MYO18B: variants seen among roughly 807,000 people sequenced by gnomAD.
MYO18B encodes unconventional myosin-XVIIIb.
Under a neutral mutation model 273.0 loss-of-function variants are expected in MYO18B, and 204 were observed. The observed-to-expected ratio is 0.75, with a 90% CI of 0.67 to 0.84. The LOEUF (loss-of-function observed/expected upper bound fraction) is 0.84, where lower values mean the gene tolerates loss of function less well. MYO18B is among the 40% of genes least tolerant of loss of function. The pLI is 0.00. For missense variants in MYO18B, 3,212 were observed against 3,287.6 expected, an observed-to-expected ratio of 0.98 and a Z score of 0.56; for synonymous variants, 1,330 against 1,305.7, an observed-to-expected ratio of 1.02 and a Z score of -0.40.
chr22:26,044,734 C>T, the MYO18B span, among the ~76,000 whole-genome samples: 5 of 152,236 alleles, frequency 3.3e-5, no homozygotes, highest in African/African-American at 9.6e-5. Context: ...ATTGAAGACT[C>T]TCACTTCTGA....
chr22:25,842,314 G>T (rs77004782), intron 17 of MYO18B, among the ~76,000 whole-genome samples: 2,049 of 152,270 alleles, frequency 0.013, 45 homozygotes, highest in African/African-American at 0.046. Flanking sequence ...AGCAGGATGG[G>T]AAAGCAAAGT....
intron 7 of MYO18B, among the ~76,000 whole-genome samples, chr22:25,777,315 C>T (rs957980694): frequency 6.6e-6 from 1 of 152,156 alleles, no homozygotes; most frequent in African/African-American, 2.4e-5. Context: ...TGGATGAATG[C>T]AGCTCTCATT....
At chr22:25,769,985 C>G (rs1044378523) in intron 4 of MYO18B, 125 bp from the exon 5 acceptor site, 2 of 982,250 alleles carry the variant, frequency 2.0e-6, no homozygotes, top group Non-Finnish European at 3.2e-6. Flanking sequence ...ACTCCCTCTC[C>G]TGTTCTCCCC....
chr22:25,970,073 CTT>C (rs2093020915), intron 39 of MYO18B, among the ~76,000 whole-genome samples: 1 of 152,116 alleles, frequency 6.6e-6, no homozygotes, highest in African/African-American at 2.4e-5. Context: ...CCATCATTAT[CTT>C]CATCACTGTC....
chr22:25,875,511 C>CCT (rs1555920702), intron 23 of MYO18B, among the ~76,000 whole-genome samples: 55 of 152,020 alleles, frequency 3.6e-4, no homozygotes, highest in African/African-American at 1.3e-3. Context: ...CTGGTCCCCC[C>CCT]CCCAGTGATA....
intron 12 of MYO18B, among the ~76,000 whole-genome samples, chr22:25,808,572 C>G (rs1366374132): frequency 6.6e-6 from 1 of 152,186 alleles, no homozygotes; most frequent in Non-Finnish European, 1.5e-5. Context: ...TCCACCCTCT[C>G]TCCTGAGAGC....
Position 25,874,421 on chromosome 22 carries a change from C to T in MYO18B, c.4080+7C>T. ...GGAATTCAAGAAGCTGAAGGTACTG[C>T]ATGCCGTTCCCATGAGGAGTCTGAT... On this transcript the variant is annotated splice_region_variant and intron_variant, in intron 23 of 43. Coordinates refer to ENST00000335473, the MANE Select transcript of MYO18B (RefSeq NM_032608.7). The T allele has an allele frequency of 6.2e-7, 1 of 1,611,676 alleles. No individual in the cohort carries two copies. The highest frequency in any genetic ancestry group is 1.3e-5 in the African/African-American group (1 of 74,986).
At chr22:25,780,029 CAT>C (rs777724949) in intron 8 of MYO18B, 25 bp from the exon 9 acceptor site, 16 of 1,555,654 alleles carry the variant, frequency 1.0e-5, no homozygotes, top group Non-Finnish European at 1.3e-5. Flanking sequence ...CCATCAGTGA[CAT>C]GTGGCCCCAT....
chr22:25,874,208 G>A, intron 22 of MYO18B, 78 bp from the exon 23 acceptor site: 6 of 1,560,990 alleles, frequency 3.8e-6, no homozygotes, highest in Non-Finnish European at 5.3e-6. Context: ...GAGAAGTGGG[G>A]TCTGATTTGC....
At chr22:26,031,080 A>G (rs918315622), downstream of MYO18B, 1 of 396,114 alleles carries the variant, frequency 2.5e-6, no homozygotes, top group African/African-American at 2.1e-5. Flanking sequence ...GCATCCTACA[A>G]ATGTGCACCC....
At chr22:25,912,916 AGATTAGTCTATAAT>A (rs2146396746) in intron 33 of MYO18B, among the ~76,000 whole-genome samples, 1 of 152,220 alleles carries the variant, frequency 6.6e-6, no homozygotes, top group South Asian at 2.1e-4. Context: ...TATGTTTTTG[AGATTAGTCTATAAT>A]GATACATGCA....
downstream of MYO18B, among the ~76,000 whole-genome samples, chr22:26,033,028 A>G (rs1936702120): frequency 6.6e-6 from 1 of 152,224 alleles, no homozygotes; most frequent in Non-Finnish European, 1.5e-5. Context: ...TACTATTCAT[A>G]CAGGATACAT....
chr22:25,992,643 GAGAGACTGGATGTTGCCCTGCTGGTTTA>G, intron 40 of MYO18B, 150 bp downstream of exon 40: 3 of 1,031,354 alleles, frequency 2.9e-6, no homozygotes, highest in Non-Finnish European at 4.2e-6. Flanking sequence ...CTTGGGTAAG[GAGAGACTGGATGTTGCCCTGCTGGTTTA>G]ACCTCTCCTT....
At chr22:25,943,297 C>T (rs1198733037) in intron 34 of MYO18B, among the ~76,000 whole-genome samples, 3 of 152,138 alleles carry the variant, frequency 2.0e-5, no homozygotes, top group African/African-American at 4.8e-5. Context: ...CTTTCCACTT[C>T]CACCCCTTCC....
At chr22:25,926,919 A>T (rs954905157) in intron 34 of MYO18B, among the ~76,000 whole-genome samples, 1 of 152,198 alleles carries the variant, frequency 6.6e-6, no homozygotes, top group African/African-American at 2.4e-5. Context: ...TAATACTTTT[A>T]TAATTTCTTA....
chr22:25,781,653 G>T, intron 9 of MYO18B, 81 bp from the exon 10 acceptor site: 3 of 776,986 alleles, frequency 3.9e-6, no homozygotes, highest in Non-Finnish European at 3.7e-6. Context: ...GCACCCCAAT[G>T]GGGCTTCTGG....
At chr22:25,973,557 C>T (rs2093057932) in intron 39 of MYO18B, among the ~76,000 whole-genome samples, 1 of 152,112 alleles carries the variant, frequency 6.6e-6, no homozygotes, top group Admixed American at 6.5e-5. Context: ...ATGGTGTTGT[C>T]AAACATGGTA....
At chr22:26,046,061 C>A in the MYO18B span, among the ~76,000 whole-genome samples, 1 of 152,200 alleles carries the variant, frequency 6.6e-6, no homozygotes, top group South Asian at 2.1e-4. Flanking sequence ...CTCTGCTAGG[C>A]AACCCATTTC....
chr22:25,968,840 C>T (rs193142975), intron 39 of MYO18B, among the ~76,000 whole-genome samples: 2 of 152,232 alleles, frequency 1.3e-5, no homozygotes, highest in Non-Finnish European at 2.9e-5. Context: ...TGCTGAGACC[C>T]CTGGGCAAGC....
Sources: allele counts gnomAD v4.1 joint callset (sites outside exome capture counted in the v4.1 genomes callset), GRCh38; gene constraint gnomAD v4.1.1; transcripts MANE v1.5; gene names NCBI Gene and HGNC (gene_info 2026-07-23, HGNC 2026-07-21).